Variants in ANO6 observed in about 807,000 individuals in gnomAD.
ANO6 encodes the protein anoctamin 6.
In ANO6, 106 loss-of-function variants were observed where a neutral mutation model predicts 117.5. The observed-to-expected ratio is 0.90, with a 90% CI of 0.77 to 1.06. ANO6 has a LOEUF of 1.06. ANO6 is among the 50% of genes least tolerant of loss of function. The pLI is 0.00. For synonymous variants in ANO6, 367 were observed against 385.1 expected, an observed-to-expected ratio of 0.95 and a Z score of 0.55; for missense variants, 955 against 1,121.1, an observed-to-expected ratio of 0.85 and a Z score of 2.12.
downstream of ANO6, among the ~76,000 whole-genome samples, chr12:45,436,199 CAT>C (rs377115217): frequency 6.6e-6 from 1 of 152,272 alleles, no homozygotes; most frequent in African/African-American, 2.4e-5. Flanking sequence ...CTAACCATAA[CAT>C]AGAATGCCCA....
chr12:45,425,754 C>T (rs1401162028), intron 19 of ANO6, among the ~76,000 whole-genome samples: 1 of 152,180 alleles, frequency 6.6e-6, no homozygotes, highest in African/African-American at 2.4e-5. Context: ...AGAGGAAATA[C>T]TCTCCAACTC....
intron 1 of ANO6, among the ~76,000 whole-genome samples, chr12:45,266,998 C>T (rs911823779): frequency 1.2e-4 from 19 of 152,142 alleles, no homozygotes; most frequent in Non-Finnish European, 2.2e-4. Context: ...ATCAGCATCA[C>T]GGTGGACATA....
At chr12:45,267,577 G>T (rs1426652026) in intron 1 of ANO6, among the ~76,000 whole-genome samples, 5 of 151,978 alleles carry the variant, frequency 3.3e-5, no homozygotes, top group Admixed American at 3.3e-4. Context: ...ATCACTTGAG[G>T]GTCAGGAGTT....
At chr12:45,365,894 G>A (rs1941671902) in intron 8 of ANO6, among the ~76,000 whole-genome samples, 1 of 152,166 alleles carries the variant, frequency 6.6e-6, no homozygotes, top group African/African-American at 2.4e-5. Context: ...TTCTGCAAAG[G>A]CTGATTTTGA....
At chr12:45,290,181 T>G (rs1939049452) in intron 1 of ANO6, among the ~76,000 whole-genome samples, 1 of 152,188 alleles carries the variant, frequency 6.6e-6, no homozygotes. Context: ...ATTTTTTTTT[T>G]TTTAATTCTG....
chr12:45,233,711 A>G (rs533063321), intron 1 of ANO6, among the ~76,000 whole-genome samples: 84 of 152,318 alleles, frequency 5.5e-4, no homozygotes, highest in African/African-American at 1.9e-3. Flanking sequence ...TGACAGTTGT[A>G]TAGCCACCAC....
At chr12:45,326,577 A>G (rs2137385557) in intron 2 of ANO6, among the ~76,000 whole-genome samples, 1 of 152,326 alleles carries the variant, frequency 6.6e-6, no homozygotes, top group South Asian at 2.1e-4. Context: ...TACAGAAAAC[A>G]TGCTCACCTT....
intron 1 of ANO6, among the ~76,000 whole-genome samples, chr12:45,301,194 T>C (rs1358908960): frequency 6.6e-6 from 1 of 151,864 alleles, no homozygotes; most frequent in African/African-American, 2.4e-5. Flanking sequence ...ATTAGGGTAG[T>C]ATGGGTTAAA....
chr12:45,350,865 C>A, intron 7 of ANO6, 91 bp downstream of exon 7: 4 of 1,112,950 alleles, frequency 3.6e-6, no homozygotes, highest in Non-Finnish European at 4.0e-6. Flanking sequence ...AAGACTCTTG[C>A]CAGTGAAGGG....
At chr12:45,261,865 G>A (rs1286911209) in intron 1 of ANO6, among the ~76,000 whole-genome samples, 3 of 152,104 alleles carry the variant, frequency 2.0e-5, no homozygotes, top group Non-Finnish European at 4.4e-5. Context: ...CAGAGCAAAA[G>A]CTAAATAATA....
intron 1 of ANO6, among the ~76,000 whole-genome samples, chr12:45,264,581 G>A (rs778925015): frequency 3.3e-5 from 5 of 152,138 alleles, no homozygotes; most frequent in Admixed American, 6.5e-5. Flanking sequence ...TAAAATAGAT[G>A]ATTAATATTG....
Position 45,407,488 on chromosome 12 carries a change from C to A in ANO6, c.1881-1869C>A, listed in dbSNP as rs935462723. 4.3e-4 allele frequency among the ~76,000 whole-genome samples: 20 copies of A among 46,696 alleles called. 1 individual carries two copies. Among genetic ancestry groups the A allele is most frequent in the Non-Finnish European group, 8.9e-4 (16 of 17,896 alleles). The allele number at this position is 46,696 out of a possible 152,430, so 30.6% of individuals were successfully genotyped here. A position where few individuals can be genotyped will look rare whatever the true frequency, so the allele number is the denominator to read the frequency against. On this transcript the variant is annotated intron_variant, in intron 15 of 19. Transcript: ENST00000320560. ...CCTTGGTGCTACCTGAGTCACCCCC[C>A]CCCCCCCCCCCGGAATGACTGCAAA... is the stretch of plus-strand genomic sequence containing the variant.
At chr12:45,322,375 A>G (rs1940309303) in intron 2 of ANO6, among the ~76,000 whole-genome samples, 4 of 152,166 alleles carry the variant, frequency 2.6e-5, no homozygotes, top group Admixed American at 2.6e-4. Context: ...GGACCATGAC[A>G]TAGTCAAAAG....
chr12:45,439,465 A>G (rs756957645), intron 19 of ANO6, among the ~76,000 whole-genome samples: 9 of 152,204 alleles, frequency 5.9e-5, no homozygotes, highest in Non-Finnish European at 1.3e-4. Flanking sequence ...CAAGGCTATC[A>G]TGATATTGAT....
intron 10 of ANO6, 86 bp from the exon 11 acceptor site, chr12:45,388,075 A>G (rs747548907): frequency 2.8e-5 from 44 of 1,545,794 alleles, no homozygotes; most frequent in Non-Finnish European, 3.7e-5. Context: ...GGCCAGTACA[A>G]TGGATAATTA....
rs1236573989 is a variant in ANO6 at position 45,292,716 on chromosome 12, G to T, written c.71-9298G>T. The T allele has an allele frequency of 3.0e-6, 4 of 1,353,370 alleles. No individual in the cohort carries two copies. In the East Asian group the frequency reaches 1.2e-4, roughly 40 times the overall value. The allele number at this position is 1,353,370 out of a possible 1,614,324, so 83.8% of individuals were successfully genotyped here. A position where few individuals can be genotyped will look rare whatever the true frequency, so the allele number is the denominator to read the frequency against. On this transcript the variant is annotated intron_variant, in intron 1 of 19. Coordinates refer to ENST00000320560, the MANE Select transcript of ANO6 (RefSeq NM_001025356.3). The stretch of plus-strand genomic sequence containing the variant: ...GAGGAGGCTTGTAGGAATAGGGGAA[G>T]AGTTCATAAGCAGAGCTGAAACAAC...
intron 1 of ANO6, among the ~76,000 whole-genome samples, chr12:45,271,465 C>T (rs534867725): frequency 1.2e-4 from 18 of 152,104 alleles, no homozygotes; most frequent in Non-Finnish European, 2.1e-4. Context: ...ATTACTTTTG[C>T]ACCAATCTAT....
Position 45,310,569 on chromosome 12 carries a change from A to G in ANO6, c.150+8476A>G, listed in dbSNP as rs116091810. Among the ~76,000 whole-genome samples, 964 of 152,208 alleles carry G rather than the reference A, an allele frequency of 6.3e-3. 7 individuals are homozygous for G. The highest frequency in any genetic ancestry group is 0.021 in the African/African-American group (886 of 41,556). On this transcript the variant is annotated intron_variant, in intron 2 of 19. Transcript: ENST00000320560. ...ATGAGAAAACAGCTTACTAGCTTCT[A>G]TATTACTTTTGTCTTTTCTGTTAGT... is the stretch of plus-strand genomic sequence containing the variant.
Position 45,285,754 on chromosome 12 carries a change from A to G in ANO6, c.71-16260A>G, listed in dbSNP as rs140765805. Reference sequence around the variant, plus strand: ...AAAAAAAAAAAAAGAAAAAGAAAAAAAAAGGCTCCCAAGTAATTGTGTGGA... The same window carrying G: ...AAAAAAAAAAAAAGAAAAAGAAAAAGAAAGGCTCCCAAGTAATTGTGTGGA... On this transcript the variant is annotated intron_variant, in intron 1 of 19. Transcript: ENST00000320560. Among the ~76,000 whole-genome samples the G allele has an allele frequency of 1.2e-3, 190 of 152,184 alleles. 1 individual carries two copies. Among genetic ancestry groups the G allele is most frequent in the African/African-American group, 4.4e-3 (183 of 41,534 alleles).
Sources: gnomAD v4.1 joint callset for allele counts (sites outside exome capture counted in the v4.1 genomes callset) on GRCh38, gnomAD v4.1.1 for gene constraint, MANE v1.5 for transcripts, NCBI Gene and HGNC (gene_info 2026-07-23, HGNC 2026-07-21) for gene names.